The following CHTOP variants were observed in gnomAD, a reference collection of about 807,000 sequenced individuals.
CHTOP encodes chromatin target of PRMT1 protein.
In CHTOP, 18 loss-of-function variants were observed where a neutral mutation model predicts 33.6. That is an observed-to-expected ratio of 0.54 (90% CI 0.37 to 0.80). CHTOP has a LOEUF of 0.80. CHTOP is among the 30% of genes least tolerant of loss of function. CHTOP has a pLI of 0.00. For synonymous variants in CHTOP, 117 were observed against 127.7 expected, an observed-to-expected ratio of 0.92 and a Z score of 0.56; for missense variants, 263 against 336.8, an observed-to-expected ratio of 0.78 and a Z score of 1.71.
At chr1:153,642,973 C>A in intron 4 of CHTOP, 5 of 475,546 alleles carry the variant, frequency 1.1e-5, no homozygotes, top group Non-Finnish European at 1.9e-5. Context: ...TCTGATTATT[C>A]AGTAGATATT....
chr1:153,636,481 G>T, intron 1 of CHTOP, 91 bp from the exon 2 acceptor site: 1 of 952,690 alleles, frequency 1.0e-6, no homozygotes, highest in East Asian at 2.5e-5. Context: ...CAGTGATAAG[G>T]CCTTTTTATT....
intron 5 of CHTOP, 45 bp from the exon 6 acceptor site, chr1:153,645,015 AACTT>A (rs760340610): frequency 1.8e-5 from 29 of 1,570,524 alleles, no homozygotes; most frequent in Non-Finnish European, 2.2e-5. Flanking sequence ...GCACCTATTA[AACTT>A]ACTTGTAACT....
chr1:153,636,519 T>C (rs955646752), intron 1 of CHTOP, 53 bp from the exon 2 acceptor site: 45 of 1,476,366 alleles, frequency 3.0e-5, no homozygotes, highest in Middle Eastern at 3.6e-4. Context: ...TTGCCACTTA[T>C]AGAAATGATG....
At chr1:153,639,557 C>G (rs1032592258) in intron 3 of CHTOP, 2 of 197,170 alleles carry the variant, frequency 1.0e-5, no homozygotes, top group African/African-American at 4.7e-5. Context: ...CAAAAATAAA[C>G]AAGGGTGTCT....
chr1:153,636,409 CAAAAAAA>C (rs35357072), intron 1 of CHTOP, among the ~76,000 whole-genome samples, 156 bp from the exon 2 acceptor site: 6 of 122,724 alleles, frequency 4.9e-5, no homozygotes, highest in Admixed American at 8.0e-5. Flanking sequence ...GACCCTGTCT[CAAAAAAA>C]AAAAAAAAAG....
chr1:153,638,585 G>T, intron 3 of CHTOP, 137 bp downstream of exon 3: 1 of 1,007,828 alleles, frequency 9.9e-7, no homozygotes, highest in Non-Finnish European at 1.5e-6. Flanking sequence ...AGAAAGAGAA[G>T]TTCAGAGAAT....
chr1:153,645,003 C>T (rs565843321), intron 5 of CHTOP, 61 bp from the exon 6 acceptor site: 2 of 1,501,096 alleles, frequency 1.3e-6, no homozygotes, highest in African/African-American at 1.4e-5. Flanking sequence ...GCATTTACTA[C>T]AGCACCTATT....
chr1:153,642,569 T>C, intron 4 of CHTOP, 140 bp downstream of exon 4: 1 of 619,690 alleles, frequency 1.6e-6, no homozygotes. Flanking sequence ...ATATTTTTAA[T>C]AGTGCTGCAT....
At chr1:153,644,963 T>G (rs1185196265) in intron 5 of CHTOP, 101 bp from the exon 6 acceptor site, 1 of 1,084,644 alleles carries the variant, frequency 9.2e-7, no homozygotes, top group Admixed American at 2.7e-5. Context: ...CCCTTCAGCT[T>G]TTCTCAGCTA....
chr1:153,640,834 A>G (rs113211106), intron 3 of CHTOP, among the ~76,000 whole-genome samples: 1 of 152,354 alleles, frequency 6.6e-6, no homozygotes, highest in African/African-American at 2.4e-5. Flanking sequence ...GCACACCTCT[A>G]GAAGGGAAAC....
chr1:153,641,964 T>C lies in CHTOP; in HGVS notation c.220-282T>C, dbSNP rs1047824446. On this transcript the variant is annotated intron_variant, in intron 3 of 5. Coordinates refer to ENST00000368694, the MANE Select transcript of CHTOP (RefSeq NM_015607.4). ...TAAGTTTCAACTGGCAGTGTATGAC[T>C]TCTGTAGCCAAACTAGTGAGGTAAT... Among the ~76,000 whole-genome samples, 8 of 152,220 alleles carry C rather than the reference T, an allele frequency of 5.3e-5. 1 individual carries two copies. Among genetic ancestry groups the C allele is most frequent in the African/African-American group, 1.7e-4 (7 of 41,464 alleles).
At chr1:153,637,124 A>T (rs551756745) in intron 2 of CHTOP, 1 of 153,716 alleles carries the variant, frequency 6.5e-6, no homozygotes, top group African/African-American at 2.4e-5. Context: ...CTTTCTTTCC[A>T]TTCTGCTTTT....
chr1:153,638,641 C>G (rs1313218388), intron 3 of CHTOP, 193 bp downstream of exon 3: 3 of 627,292 alleles, frequency 4.8e-6, no homozygotes, highest in Admixed American at 5.5e-5. Context: ...CTGTCTTTCT[C>G]TTTTAGGGAG....
At chr1:153,639,106 C>G (rs935761716) in intron 3 of CHTOP, among the ~76,000 whole-genome samples, 4 of 152,148 alleles carry the variant, frequency 2.6e-5, no homozygotes, top group Non-Finnish European at 4.4e-5. Flanking sequence ...TGGTCTCGAT[C>G]TCCTGACCTC....
intron 5 of CHTOP, 142 bp from the exon 6 acceptor site, chr1:153,644,922 C>T: frequency 1.5e-6 from 1 of 685,756 alleles, no homozygotes; most frequent in Non-Finnish European, 2.4e-6. Context: ...ATTGTGTTTC[C>T]TTTTTTTCCA....
chr1:153,639,627 A>G (rs1165993334), intron 3 of CHTOP, among the ~76,000 whole-genome samples: 2 of 152,222 alleles, frequency 1.3e-5, no homozygotes, highest in East Asian at 3.9e-4. Context: ...GAAAGCAGCA[A>G]AAGGCACCAT....
rs1393433065 is a variant in CHTOP, at chr1:153,645,844, A to G, written c.*575A>G. On this transcript the variant is annotated 3_prime_UTR_variant, in exon 6 of 6. Coordinates refer to ENST00000368694, the MANE Select transcript of CHTOP (RefSeq NM_015607.4). Reference sequence around the variant, plus strand: ...CATTGACATCACTACAGGGCAGCATAAGAGGTTGCTTACATGTGGTAGCAG... The same window carrying G: ...CATTGACATCACTACAGGGCAGCATGAGAGGTTGCTTACATGTGGTAGCAG... The G allele has an allele frequency of 6.5e-6, 1 of 153,448 alleles. No homozygotes were observed. Among genetic ancestry groups the G allele is most frequent in the Non-Finnish European group, 1.5e-5 (1 of 68,930 alleles). 9.5% of individuals were successfully genotyped at this position (153,448 alleles called of 1,614,324 possible).
intron 3 of CHTOP, among the ~76,000 whole-genome samples, chr1:153,640,552 G>A (rs1022654394): frequency 6.6e-6 from 1 of 152,114 alleles, no homozygotes; most frequent in Non-Finnish European, 1.5e-5. Flanking sequence ...GGCCTGGGCA[G>A]GTGGATCACC....
At chr1:153,636,508 C>T in intron 1 of CHTOP, 64 bp from the exon 2 acceptor site, 1 of 1,393,182 alleles carries the variant, frequency 7.2e-7, no homozygotes, top group Non-Finnish European at 1.0e-6. Flanking sequence ...TGGCTTGGGC[C>T]TTGCCACTTA....
Sources: allele counts gnomAD v4.1 joint callset (sites outside exome capture counted in the v4.1 genomes callset), GRCh38; gene constraint gnomAD v4.1.1; transcripts MANE v1.5; gene names NCBI Gene and HGNC (gene_info 2026-07-23, HGNC 2026-07-21).